Variants in RGL1 observed in about 807,000 individuals in gnomAD.
RGL1 encodes ral guanine nucleotide dissociation stimulator-like 1.
RGL1 carries 24 observed loss-of-function variants against 95.2 expected under a neutral mutation model. The observed-to-expected ratio is 0.25, with a 90% CI of 0.18 to 0.35. The LOEUF (loss-of-function observed/expected upper bound fraction) is 0.35. Among genes scored for constraint, RGL1 ranks in the 10% least tolerant of loss-of-function variants. RGL1 has a pLI of 1.00. For synonymous variants in RGL1, 329 were observed against 344.9 expected, an observed-to-expected ratio of 0.95 and a Z score of 0.51; for missense variants, 715 against 936.3, an observed-to-expected ratio of 0.76 and a Z score of 3.08.
At chr1:183,809,176 G>A (rs766517675) in intron 2 of RGL1, among the ~76,000 whole-genome samples, 12 of 152,246 alleles carry the variant, frequency 7.9e-5, no homozygotes, top group African/African-American at 2.6e-4. Context: ...GCTTTGTTAC[G>A]TGTCTGTAAT....
chr1:183,906,485 A>G (rs948885113), intron 13 of RGL1, among the ~76,000 whole-genome samples: 1 of 151,838 alleles, frequency 6.6e-6, no homozygotes, highest in African/African-American at 2.4e-5. Flanking sequence ...ATAAATATAT[A>G]TATATATATC....
At chr1:183,648,713 G>A in intron 1 of RGL1, 2 of 1,614,086 alleles carry the variant, frequency 1.2e-6, no homozygotes, top group Non-Finnish European at 1.7e-6. Flanking sequence ...CGAGAGAGAA[G>A]CTTAGCCAGT....
At chr1:183,759,107 G>A (rs774906983) in intron 2 of RGL1, among the ~76,000 whole-genome samples, 15 of 152,158 alleles carry the variant, frequency 9.9e-5, no homozygotes, top group Middle Eastern at 3.4e-3. Context: ...GGTTAGTCAC[G>A]TGCAGCCATA....
In RGL1 at chr1:183,776,660, AG is replaced by A. The variant is rs1349991034; in HGVS notation, c.133-29714del. ...GGGGAGTGTCCCATGGACAAGAAAA[AG>A]CACATACTAGAGACTACAGGGAATG... On this transcript the variant is annotated intron_variant, in intron 2 of 18. Transcript: ENST00000304685. 3.3e-5 allele frequency among the ~76,000 whole-genome samples: 5 copies of A among 152,204 alleles called. No individual in the cohort carries two copies. The East Asian group carries it at 9.6e-4, about 29-fold the overall frequency.
chr1:183,815,374 G>A (rs532240370), intron 2 of RGL1, among the ~76,000 whole-genome samples: 1 of 152,328 alleles, frequency 6.6e-6, no homozygotes, highest in East Asian at 1.9e-4. Context: ...TGGTTAGTTT[G>A]TGAAGCACAG....
rs550137162 is a variant in RGL1, at chr1:183,708,795, G to A, written c.-32-33331G>A. Among the ~76,000 whole-genome samples the A allele has an allele frequency of 2.6e-4, 40 of 152,358 alleles. 1 individual carries two copies. The South Asian group carries it at 8.3e-3, about 32-fold the overall frequency. The stretch of plus-strand genomic sequence containing the variant: ...TCAGTGACTGGTGTGCATGCACAGA[G>A]AGGTGACTGGAGGCTGAGGAGCTTC... On this transcript the variant is annotated intron_variant, in intron 1 of 18. Transcript: ENST00000304685.
At chr1:183,736,875 A>C (rs940554650) in intron 1 of RGL1, among the ~76,000 whole-genome samples, 1 of 152,224 alleles carries the variant, frequency 6.6e-6, no homozygotes, top group African/African-American at 2.4e-5. Flanking sequence ...GCATGACCCT[A>C]ATAGATAAAG....
chr1:183,833,532 CT>C (rs1663409877), intron 2 of RGL1, among the ~76,000 whole-genome samples: 2 of 152,152 alleles, frequency 1.3e-5, no homozygotes, highest in Non-Finnish European at 2.9e-5. Context: ...CTTGAAAACC[CT>C]TTAGTGTATT....
At chr1:183,658,897 A>T (rs12026441) in intron 1 of RGL1, among the ~76,000 whole-genome samples, 7,977 of 149,268 alleles carry the variant, frequency 0.053, 369 homozygotes, top group African/African-American at 0.12. Context: ...TTCACGGTTC[A>T]CGAAAATCTG....
chr1:183,865,903 A>G, intron 3 of RGL1, 93 bp from the exon 4 acceptor site: 2 of 828,064 alleles, frequency 2.4e-6, no homozygotes, highest in Non-Finnish European at 4.1e-6. Context: ...ACTTCTGAAA[A>G]GTATAACTGT....
At chr1:183,648,869 C>T in intron 1 of RGL1, 1 of 1,043,552 alleles carries the variant, frequency 9.6e-7, no homozygotes, top group Non-Finnish European at 1.4e-6. Flanking sequence ...GAAGACAGTG[C>T]ATTAATTTAT....
At chr1:183,844,983 T>C (rs1664320933) in intron 2 of RGL1, among the ~76,000 whole-genome samples, 1 of 152,230 alleles carries the variant, frequency 6.6e-6, no homozygotes, top group South Asian at 2.1e-4. Flanking sequence ...TTGCCACCAC[T>C]CTGGTCTTTC....
At chr1:183,649,436 A>G (rs756422677) in intron 1 of RGL1, among the ~76,000 whole-genome samples, 2 of 152,232 alleles carry the variant, frequency 1.3e-5, no homozygotes, top group Non-Finnish European at 1.5e-5. Context: ...AGAACTATTC[A>G]GTGTGCTTGC....
At chr1:183,924,799 CAAA>C (rs758747749) in intron 17 of RGL1, among the ~76,000 whole-genome samples, 105 of 111,072 alleles carry the variant, frequency 9.5e-4, no homozygotes, top group East Asian at 5.8e-3. Flanking sequence ...CAAAAAAATA[CAAA>C]AAAAAAAAAA....
At chr1:183,648,346 G>A (rs1288464768) in intron 1 of RGL1, 3 of 1,614,082 alleles carry the variant, frequency 1.9e-6, no homozygotes, top group Non-Finnish European at 2.5e-6. Flanking sequence ...GTGATGCCTG[G>A]ATACGTAATC....
At chr1:183,883,700 C>A (rs1352463230) in intron 5 of RGL1, 86 bp from the exon 6 acceptor site, 54 of 1,495,650 alleles carry the variant, frequency 3.6e-5, no homozygotes, top group Non-Finnish European at 4.8e-5. Flanking sequence ...CCTCTTCTTC[C>A]TAAACAAGGA....
intron 1 of RGL1, among the ~76,000 whole-genome samples, chr1:183,725,784 G>A (rs904103528): frequency 6.6e-6 from 1 of 152,128 alleles, no homozygotes; most frequent in Non-Finnish European, 1.5e-5. Flanking sequence ...TAGAAATATG[G>A]AAGAATTAAA....
intron 1 of RGL1, among the ~76,000 whole-genome samples, chr1:183,639,523 A>G (rs16828981): frequency 0.082 from 12,417 of 152,104 alleles, 999 homozygotes; most frequent in African/African-American, 0.21. Context: ...ATGATTTAAT[A>G]CTCCTATGAA....
Position 183,922,127 on chromosome 1 carries a change from T to C in RGL1, c.2005-95T>C, listed in dbSNP as rs976132251. 12 of 1,003,386 alleles carry C rather than the reference T, an allele frequency of 1.2e-5. No homozygotes were observed. In the African/African-American group the frequency reaches 1.9e-4, roughly 16 times the overall value. The allele number at this position is 1,003,386 out of a possible 1,614,324, so 62.2% of individuals were successfully genotyped here. A position where few individuals can be genotyped will look rare whatever the true frequency, so the allele number is the denominator to read the frequency against. On this transcript the variant is annotated intron_variant, in intron 16 of 17. Coordinates refer to ENST00000360851, the MANE Select transcript of RGL1 (RefSeq NM_001297671.3). ...CGAGTCCGTTCTTTCTGGAAAGGCA[T>C]CACAACACAAGACAGCAAGAATGAG...
Sources: gnomAD v4.1 joint callset for allele counts (sites outside exome capture counted in the v4.1 genomes callset) on GRCh38, gnomAD v4.1.1 for gene constraint, MANE v1.5 for transcripts, NCBI Gene and HGNC (gene_info 2026-07-23, HGNC 2026-07-21) for gene names.